The following ADARB2 variants were observed in gnomAD, a reference collection of about 807,000 sequenced individuals.
ADARB2 encodes inactive double-stranded RNA-specific editase B2.
Under a neutral mutation model 62.2 loss-of-function variants are expected in ADARB2, and 25 were observed. That is an observed-to-expected ratio of 0.40 (90% CI 0.29 to 0.56). ADARB2 has a LOEUF of 0.56. ADARB2 is among the 20% of genes least tolerant of loss of function. The pLI is 0.43. For missense variants in ADARB2, 1,071 were observed against 1,077.4 expected, an observed-to-expected ratio of 0.99 and a Z score of 0.08; for synonymous variants, 572 against 500.8, an observed-to-expected ratio of 1.14 and a Z score of -1.90.
At chr10:1,694,481 T>A (rs1834712554) in intron 1 of ADARB2, among the ~76,000 whole-genome samples, 1 of 152,170 alleles carries the variant, frequency 6.6e-6, no homozygotes, top group South Asian at 2.1e-4. Flanking sequence ...TCAGGGCTTT[T>A]AAACTGTACA....
At position 1,472,372 on chromosome 10, in the gene ADARB2, C is replaced by T. The variant is rs79551031; in HGVS notation, c.101-93212G>A. Among the ~76,000 whole-genome samples, 926 of 151,946 alleles carry T rather than the reference C, an allele frequency of 6.1e-3. 5 individuals carry two copies. Among genetic ancestry groups the T allele is most frequent in the Non-Finnish European group, 0.01 (708 of 67,932 alleles). ...TGTGACGAGCTCTGTGCCATAGGGG[C>T]GAGGGCCACGCGGCTCAGGGGTCAG... On this transcript the variant is annotated intron_variant, in intron 1 of 9. Coordinates refer to ENST00000381312, the MANE Select transcript of ADARB2 (RefSeq NM_018702.4).
chr10:1,665,716 A>G (rs977013244), intron 1 of ADARB2, among the ~76,000 whole-genome samples: 1 of 152,232 alleles, frequency 6.6e-6, no homozygotes, highest in Non-Finnish European at 1.5e-5. Context: ...GTGATGGCAC[A>G]GGCCGGGGTC....
At chr10:1,263,079 A>C (rs928160217) in intron 4 of ADARB2, among the ~76,000 whole-genome samples, 1 of 144,846 alleles carries the variant, frequency 6.9e-6, no homozygotes, top group Non-Finnish European at 1.5e-5. Flanking sequence ...GGAATTGAAC[A>C]ATGAGATCAC....
chr10:1,389,570 C>T (rs1832551393), intron 1 of ADARB2, among the ~76,000 whole-genome samples: 1 of 151,944 alleles, frequency 6.6e-6, no homozygotes, highest in African/African-American at 2.4e-5. Flanking sequence ...TGGTAAAACC[C>T]CATCTCTACA....
chr10:1,419,226 TG>T (rs1195407413), intron 1 of ADARB2, among the ~76,000 whole-genome samples: 1 of 152,152 alleles, frequency 6.6e-6, no homozygotes, highest in African/African-American at 2.4e-5. Flanking sequence ...CCCAAGTAGC[TG>T]GGATTACAGG....
chr10:1,285,247 T>C (rs527927828), intron 3 of ADARB2, among the ~76,000 whole-genome samples: 1 of 152,082 alleles, frequency 6.6e-6, no homozygotes, highest in Non-Finnish European at 1.5e-5. Context: ...TAATGTGTCT[T>C]GCACCAGTCT....
intron 3 of ADARB2, among the ~76,000 whole-genome samples, chr10:1,300,910 A>G (rs931293551): frequency 6.6e-6 from 1 of 152,212 alleles, no homozygotes; most frequent in Non-Finnish European, 1.5e-5. Flanking sequence ...GCAATATGCA[A>G]TGTAAGATGC....
chr10:1,408,096 T>A (rs1832721920), intron 1 of ADARB2, among the ~76,000 whole-genome samples: 1 of 152,240 alleles, frequency 6.6e-6, no homozygotes, highest in Non-Finnish European at 1.5e-5. Flanking sequence ...ATTAGACGAA[T>A]AGAAATTGGA....
At chr10:1,673,207 A>G (rs1834414040) in intron 1 of ADARB2, among the ~76,000 whole-genome samples, 1 of 152,190 alleles carries the variant, frequency 6.6e-6, no homozygotes, top group African/African-American at 2.4e-5. Flanking sequence ...AAAAACATGA[A>G]TTTTATTATA....
At position 1,534,137 on chromosome 10, in the gene ADARB2, G is replaced by GTT. The variant is rs11431049; in HGVS notation, c.101-154979_101-154978dup. Among the ~76,000 whole-genome samples the GTT allele has an allele frequency of 1.7e-3, 235 of 137,010 alleles. 3 individuals are homozygous for GTT. The highest frequency in any genetic ancestry group is 3.8e-3 in the Middle Eastern group (1 of 266). The allele number at this position is 137,010 out of a possible 152,430, so 89.9% of individuals were successfully genotyped here. On this transcript the variant is annotated intron_variant, in intron 1 of 9. Coordinates refer to ENST00000381312, the MANE Select transcript of ADARB2 (RefSeq NM_018702.4). ...AAGGCGATTTTCCTGCATTGAAATA[G>GTT]TTTTTTTTTTTTTTTTTGAGAAGGA...
rs1006231084 is a variant in ADARB2 at position 1,314,274 on chromosome 10, G to T, written c.1078-43205C>A. 5.9e-5 allele frequency among the ~76,000 whole-genome samples: 9 copies of T among 152,250 alleles called. No homozygotes were observed. In the East Asian group the frequency reaches 1.7e-3, roughly 29 times the overall value. Reference sequence around the variant, plus strand: ...TTTCTCTGCAGCCGCCTCCCTTTCAGTAAGGACATCTCCCCTCGCAGGTCA... The same window carrying T: ...TTTCTCTGCAGCCGCCTCCCTTTCATTAAGGACATCTCCCCTCGCAGGTCA... On this transcript the variant is annotated intron_variant, in intron 3 of 9. Coordinates refer to ENST00000381312, the MANE Select transcript of ADARB2 (RefSeq NM_018702.4).
intron 1 of ADARB2, among the ~76,000 whole-genome samples, chr10:1,725,060 C>G (rs1190439264): frequency 6.6e-6 from 1 of 152,162 alleles, no homozygotes; most frequent in Non-Finnish European, 1.5e-5. Flanking sequence ...GTTAAACAGA[C>G]GCACTGCACT....
intron 1 of ADARB2, among the ~76,000 whole-genome samples, chr10:1,544,931 ATGTGAAGT>A (rs1832495651): frequency 8.3e-6 from 1 of 121,030 alleles, no homozygotes; most frequent in Non-Finnish European, 1.9e-5. Context: ...TCTATATAAT[ATGTGAAGT>A]CTATAATAGC....
chr10:1,623,191 AC>A lies in ADARB2; in HGVS notation c.100+113859del, dbSNP rs1287322011. On this transcript the variant is annotated intron_variant, in intron 1 of 9. Coordinates refer to ENST00000381312, the MANE Select transcript of ADARB2 (RefSeq NM_018702.4). ...GGGGTGGGATTGGATTGTTGCAAAA[AC>A]ATCATTAAATAAATGAAAAAATAAG... 2.6e-5 allele frequency among the ~76,000 whole-genome samples: 4 copies of A among 152,290 alleles called. No individual in the cohort carries two copies. The East Asian group carries it at 7.7e-4, about 29-fold the overall frequency.
chr10:1,633,904 T>C (rs1448523099), intron 1 of ADARB2, among the ~76,000 whole-genome samples: 1 of 152,100 alleles, frequency 6.6e-6, no homozygotes, highest in South Asian at 2.1e-4. Context: ...GCCAGCACCA[T>C]GTGAACCCGC....
chr10:1,603,080 T>G (rs543400038), intron 1 of ADARB2, among the ~76,000 whole-genome samples: 78 of 140,038 alleles, frequency 5.6e-4, no homozygotes, highest in African/African-American at 1.8e-3. Context: ...CACAGACACC[T>G]GTACACACAT....
At chr10:1,327,583 G>A (rs1306707617) in intron 3 of ADARB2, among the ~76,000 whole-genome samples, 2 of 92,168 alleles carry the variant, frequency 2.2e-5, no homozygotes, top group African/African-American at 4.6e-5. Flanking sequence ...ACTGCACAGC[G>A]CCTCCTCACT....
chr10:1,499,893 C>T (rs1831743089), intron 1 of ADARB2, among the ~76,000 whole-genome samples: 1 of 152,104 alleles, frequency 6.6e-6, no homozygotes, highest in Admixed American at 6.6e-5. Flanking sequence ...ACTTATCTCT[C>T]ATCACTCATT....
chr10:1,703,440 G>A (rs573280412), intron 1 of ADARB2, among the ~76,000 whole-genome samples: 10 of 152,272 alleles, frequency 6.6e-5, no homozygotes, highest in African/African-American at 2.2e-4. Flanking sequence ...GAGGGGTGGG[G>A]GGAGACTTTT....
Sources: gnomAD v4.1 joint callset for allele counts (sites outside exome capture counted in the v4.1 genomes callset) on GRCh38, gnomAD v4.1.1 for gene constraint, MANE v1.5 for transcripts, NCBI Gene and HGNC (gene_info 2026-07-23, HGNC 2026-07-21) for gene names.